EXOC6B: variants seen among roughly 807,000 people sequenced by gnomAD.
EXOC6B encodes the protein exocyst complex component 6B.
A neutral mutation model predicts 113.5 loss-of-function variants in EXOC6B; 54 were observed. The observed-to-expected ratio is 0.48, with a 90% CI of 0.38 to 0.60. The LOEUF (loss-of-function observed/expected upper bound fraction) is 0.60. Among genes scored for constraint, EXOC6B ranks in the 20% least tolerant of loss-of-function variants. The pLI, the probability that EXOC6B is intolerant of heterozygous loss-of-function variation, is 0.00. For synonymous variants in EXOC6B, 357 were observed against 339.0 expected (o/e 1.05, Z -0.58); for missense variants, 797 against 977.5 (o/e 0.82, Z 2.46).
At chr2:72,386,168 A>T (rs1308737606) in intron 18 of EXOC6B, among the ~76,000 whole-genome samples, 1 of 152,088 alleles carries the variant, frequency 6.6e-6, no homozygotes, top group Non-Finnish European at 1.5e-5. Flanking sequence ...ACACACACAC[A>T]TACATACATA....
chr2:72,371,994 A>G (rs981027006), intron 19 of EXOC6B, among the ~76,000 whole-genome samples: 1 of 152,242 alleles, frequency 6.6e-6, no homozygotes, highest in Non-Finnish European at 1.5e-5. Context: ...CAGAATCAGC[A>G]CACAAAAATC....
At chr2:72,240,715 A>C (rs2104505451) in intron 20 of EXOC6B, among the ~76,000 whole-genome samples, 1 of 152,362 alleles carries the variant, frequency 6.6e-6, no homozygotes, top group South Asian at 2.1e-4. Flanking sequence ...TGCTACTATA[A>C]AGAAAAAAAC....
At chr2:72,797,660 A>G (rs916684647) in intron 1 of EXOC6B, among the ~76,000 whole-genome samples, 10 of 152,110 alleles carry the variant, frequency 6.6e-5, no homozygotes, top group Non-Finnish European at 1.5e-4. Context: ...CTAAAAATAC[A>G]AAAATTAGCC....
At chr2:72,534,984 G>A (rs1702200537) in intron 8 of EXOC6B, among the ~76,000 whole-genome samples, 1 of 152,076 alleles carries the variant, frequency 6.6e-6, no homozygotes, top group African/African-American at 2.4e-5. Flanking sequence ...TCACACTTCA[G>A]GCCTAAAGTG....
At chr2:72,676,775 A>T (rs114364696) in intron 6 of EXOC6B, among the ~76,000 whole-genome samples, 2,735 of 152,312 alleles carry the variant, frequency 0.018, 39 homozygotes, top group Non-Finnish European at 0.029. Context: ...AACTCTAACC[A>T]AAGAGGGCAA....
chr2:72,626,383 A>G (rs1672051893), intron 6 of EXOC6B, among the ~76,000 whole-genome samples: 1 of 152,170 alleles, frequency 6.6e-6, no homozygotes, highest in Non-Finnish European at 1.5e-5. Flanking sequence ...GAAATATTTT[A>G]TGATTTAGCC....
At chr2:72,752,432 C>A (rs1682112517) in intron 1 of EXOC6B, among the ~76,000 whole-genome samples, 1 of 151,954 alleles carries the variant, frequency 6.6e-6, no homozygotes, top group African/African-American at 2.4e-5. Context: ...AAACATGCCC[C>A]CATCTTAACA....
chr2:72,199,698 A>G (rs1254997046), intron 20 of EXOC6B, among the ~76,000 whole-genome samples: 1 of 152,110 alleles, frequency 6.6e-6, no homozygotes, highest in Non-Finnish European at 1.5e-5. Context: ...ACTTCTCAGA[A>G]TTCTCATCTA....
rs899298303 is a variant in EXOC6B at position 72,716,744 on chromosome 2, T to A, written c.669+1359A>T. On this transcript the variant is annotated intron_variant, in intron 6 of 21. Transcript: ENST00000272427. ...TCTGGGTCTTAATTTCTTCAGATAA[T>A]TAAGGAATGAGACCAGCTGGCCTCA... 5.9e-5 allele frequency among the ~76,000 whole-genome samples: 9 copies of A among 152,234 alleles called. 1 individual carries two copies. The highest frequency in any genetic ancestry group is 5.9e-4 in the Admixed American group (9 of 15,276).
chr2:72,275,555 G>C (rs1246464133), intron 20 of EXOC6B, among the ~76,000 whole-genome samples: 1 of 152,152 alleles, frequency 6.6e-6, no homozygotes, highest in East Asian at 1.9e-4. Context: ...GCTTCACATA[G>C]ACATGGATGG....
chr2:72,712,423 T>C (rs910859550), intron 6 of EXOC6B, among the ~76,000 whole-genome samples: 28 of 152,162 alleles, frequency 1.8e-4, no homozygotes, highest in Non-Finnish European at 7.3e-5. Context: ...AATCATGGTG[T>C]CAACCATTGC....
chr2:72,183,021 C>A, intron 21 of EXOC6B: 1 of 517,106 alleles, frequency 1.9e-6, no homozygotes, highest in Non-Finnish European at 3.0e-6. Flanking sequence ...CTCTTGGCTC[C>A]AAATACATAC....
intron 20 of EXOC6B, among the ~76,000 whole-genome samples, chr2:72,192,025 C>G (rs976803530): frequency 3.3e-5 from 5 of 152,168 alleles, no homozygotes; most frequent in African/African-American, 1.2e-4. Context: ...TGTTCCTCCT[C>G]CTGGACTGTC....
At chr2:72,539,148 T>G (rs1009904326) in intron 8 of EXOC6B, among the ~76,000 whole-genome samples, 1 of 152,010 alleles carries the variant, frequency 6.6e-6, no homozygotes, top group African/African-American at 2.4e-5. Context: ...GACCTCCAGC[T>G]GACAAAACAG....
At chr2:72,227,452 A>G (rs978627720) in intron 20 of EXOC6B, among the ~76,000 whole-genome samples, 5 of 152,302 alleles carry the variant, frequency 3.3e-5, no homozygotes, top group African/African-American at 1.2e-4. Context: ...AAACACACAA[A>G]TACACAAAGT....
intron 6 of EXOC6B, among the ~76,000 whole-genome samples, chr2:72,712,414 A>G (rs1339656661): frequency 6.6e-6 from 1 of 152,162 alleles, no homozygotes; most frequent in East Asian, 1.9e-4. Flanking sequence ...CCAGGCTGAA[A>G]TCATGGTGTC....
intron 11 of EXOC6B, among the ~76,000 whole-genome samples, chr2:72,509,962 T>C (rs1189365163): frequency 6.6e-6 from 1 of 152,160 alleles, no homozygotes; most frequent in Admixed American, 6.5e-5. Flanking sequence ...GCCTACTGAC[T>C]AGCTGGGATA....
chr2:72,626,630 T>C (rs1257143457), intron 6 of EXOC6B, among the ~76,000 whole-genome samples: 1 of 152,166 alleles, frequency 6.6e-6, no homozygotes, highest in African/African-American at 2.4e-5. Context: ...TTAGTTTCTA[T>C]GTGTAATAGT....
chr2:72,641,415 A>G (rs1673223063), intron 6 of EXOC6B, among the ~76,000 whole-genome samples: 2 of 152,244 alleles, frequency 1.3e-5, no homozygotes. Flanking sequence ...ATTTTATCCC[A>G]CGCCTGGATT....
Sources: gnomAD v4.1 joint callset for allele counts (sites outside exome capture counted in the v4.1 genomes callset) on GRCh38, gnomAD v4.1.1 for gene constraint, MANE v1.5 for transcripts, NCBI Gene and HGNC (gene_info 2026-07-23, HGNC 2026-07-21) for gene names.